Variants in INPP4B observed in about 807,000 individuals in gnomAD.
INPP4B encodes inositol polyphosphate-4-phosphatase type II B, also known as inositol polyphosphate 4-phosphatase type II.
Under a neutral mutation model 122.5 loss-of-function variants are expected in INPP4B, and 55 were observed. The ratio of observed to expected loss-of-function variants is 0.45; its 90% CI spans 0.36 to 0.56. The LOEUF (loss-of-function observed/expected upper bound fraction) is 0.56. Ranked by LOEUF, INPP4B falls within the 20% of genes least tolerant of loss-of-function variation. INPP4B has a pLI of 0.00. For missense variants in INPP4B, 1,000 were observed against 1,097.7 expected, an observed-to-expected ratio of 0.91 and a Z score of 1.26; for synonymous variants, 403 against 388.7, an observed-to-expected ratio of 1.04 and a Z score of -0.43.
intron 25 of INPP4B, among the ~76,000 whole-genome samples, chr4:142,031,157 A>C (rs1419418700): frequency 6.6e-6 from 1 of 152,224 alleles, no homozygotes; most frequent in East Asian, 1.9e-4. Flanking sequence ...ATAAATTGAA[A>C]ATAAAATAAT....
rs991161947 is a variant in INPP4B at position 142,721,032 on chromosome 4, T to C, written c.-191+4807A>G. Among the ~76,000 whole-genome samples, 8 of 150,816 alleles carry C rather than the reference T, an allele frequency of 5.3e-5. No individual in the cohort carries two copies. The Admixed American group carries it at 5.3e-4, about 10-fold the overall frequency. On this transcript the variant is annotated intron_variant, in intron 2 of 25. Coordinates refer to ENST00000262992, the MANE Select transcript of INPP4B (RefSeq NM_001101669.3). ...AATCTAGTGGACATGTTACCAATTA[T>C]TTGTAGCCCAGATCACTTTGTCTTC...
intron 11 of INPP4B, among the ~76,000 whole-genome samples, chr4:142,253,687 C>T (rs1012656552): frequency 2.0e-5 from 3 of 152,358 alleles, no homozygotes; most frequent in South Asian, 4.1e-4. Context: ...TATCCCGCAC[C>T]TGGCTCGGAG....
chr4:142,442,136 C>CGT (rs1811867758), intron 3 of INPP4B, among the ~76,000 whole-genome samples: 2 of 152,040 alleles, frequency 1.3e-5, no homozygotes, highest in Admixed American at 6.6e-5. Context: ...GGGCCAGGCA[C>CGT]GGTGGCTCAC....
chr4:142,168,108 T>C (rs1204137416), intron 16 of INPP4B, among the ~76,000 whole-genome samples: 1 of 151,604 alleles, frequency 6.6e-6, no homozygotes, highest in African/African-American at 2.4e-5. Flanking sequence ...TTCTTGGTTG[T>C]TTTCACAATG....
intron 7 of INPP4B, among the ~76,000 whole-genome samples, chr4:142,343,056 A>G (rs1189206290): frequency 6.6e-6 from 1 of 152,162 alleles, no homozygotes; most frequent in Non-Finnish European, 1.5e-5. Flanking sequence ...AAGTGAATCA[A>G]GTACAAATCA....
chr4:142,231,231 C>T (rs1309270358), intron 12 of INPP4B, among the ~76,000 whole-genome samples: 2 of 152,222 alleles, frequency 1.3e-5, no homozygotes, highest in African/African-American at 2.4e-5. Context: ...GCAAGTGATG[C>T]AAAAGCAGTT....
chr4:142,243,053 T>C (rs1032755158), intron 11 of INPP4B, among the ~76,000 whole-genome samples: 5 of 152,114 alleles, frequency 3.3e-5, no homozygotes, highest in African/African-American at 9.7e-5. Flanking sequence ...ACACCACCAA[T>C]TGTGGAAATT....
intron 2 of INPP4B, among the ~76,000 whole-genome samples, chr4:142,609,907 T>C (rs898003810): frequency 6.6e-6 from 1 of 152,198 alleles, no homozygotes; most frequent in Non-Finnish European, 1.5e-5. Flanking sequence ...AATAGCCTTC[T>C]AACATAGCAC....
intron 2 of INPP4B, among the ~76,000 whole-genome samples, chr4:142,589,924 A>G (rs917391940): frequency 6.6e-6 from 1 of 152,168 alleles, no homozygotes; most frequent in East Asian, 1.9e-4. Context: ...CATCTATGAA[A>G]TATAAAATGA....
intron 2 of INPP4B, among the ~76,000 whole-genome samples, chr4:142,534,930 T>G (rs2150001036): frequency 6.6e-6 from 1 of 152,272 alleles, no homozygotes; most frequent in East Asian, 1.9e-4. Context: ...ACAATTTACT[T>G]GTTACTGAAA....
In INPP4B at chr4:142,134,433, T is replaced by G. The variant is rs550813777; in HGVS notation, c.1721-9673A>C. ...GCATTAGTTTTCTGGTAAGAACAGA[T>G]ATTTTAAAATGTCATAATTCAAAAA... On this transcript the variant is annotated intron_variant, in intron 18 of 25. Transcript: ENST00000262992. 2.0e-5 allele frequency among the ~76,000 whole-genome samples: 3 copies of G among 152,318 alleles called. No homozygotes were observed. In the South Asian group the frequency reaches 6.2e-4, roughly 32 times the overall value.
chr4:142,264,533 A>C (rs1376599550), intron 10 of INPP4B, among the ~76,000 whole-genome samples: 1 of 152,212 alleles, frequency 6.6e-6, no homozygotes, highest in African/African-American at 2.4e-5. Flanking sequence ...ATGTGTGTAT[A>C]TATTGAAGTT....
intron 23 of INPP4B, among the ~76,000 whole-genome samples, chr4:142,097,935 C>A: frequency 6.6e-6 from 1 of 152,090 alleles, no homozygotes; most frequent in African/African-American, 2.4e-5. Context: ...CCTCCTGGAG[C>A]TTACATTCTG....
At chr4:142,745,285 C>A (rs972003747) in intron 1 of INPP4B, among the ~76,000 whole-genome samples, 1 of 151,580 alleles carries the variant, frequency 6.6e-6, no homozygotes, top group Admixed American at 6.6e-5. Flanking sequence ...AAAAGGAAAA[C>A]AAATGGGACA....
At chr4:142,085,538 CT>C (rs759047550) in intron 24 of INPP4B, among the ~76,000 whole-genome samples, 15 of 151,444 alleles carry the variant, frequency 9.9e-5, no homozygotes, top group East Asian at 9.7e-4. Context: ...AAAATACAGG[CT>C]TTTTTTTTGT....
At chr4:142,737,754 A>G (rs1447954457) in intron 1 of INPP4B, among the ~76,000 whole-genome samples, 1 of 152,154 alleles carries the variant, frequency 6.6e-6, no homozygotes, top group Admixed American at 6.6e-5. Flanking sequence ...ATGAACTCAA[A>G]CAAATTTACA....
chr4:142,267,462 G>C (rs1212298373), intron 10 of INPP4B, among the ~76,000 whole-genome samples: 2 of 152,190 alleles, frequency 1.3e-5, no homozygotes, highest in African/African-American at 2.4e-5. Flanking sequence ...ACAGAATGGA[G>C]AAAGGGCAGT....
At chr4:142,324,283 T>C (rs1283434773) in intron 7 of INPP4B, among the ~76,000 whole-genome samples, 3 of 152,082 alleles carry the variant, frequency 2.0e-5, no homozygotes, top group African/African-American at 7.2e-5. Flanking sequence ...ACCCAGTCTA[T>C]GGTATTACTT....
chr4:142,654,444 C>G (rs902614667), intron 2 of INPP4B: 3 of 150,466 alleles, frequency 2.0e-5, no homozygotes, highest in African/African-American at 7.3e-5. Context: ...CTTTCCTCTG[C>G]TCTTCACACT....
Sources: allele counts gnomAD v4.1 joint callset (sites outside exome capture counted in the v4.1 genomes callset), GRCh38; gene constraint gnomAD v4.1.1; transcripts MANE v1.5; gene names NCBI Gene and HGNC (gene_info 2026-07-23, HGNC 2026-07-21).